The following CFAP46 variants were observed in gnomAD, a reference collection of about 807,000 sequenced individuals.
CFAP46 encodes the protein cilia- and flagella-associated protein 46.
Under a neutral mutation model 325.7 loss-of-function variants are expected in CFAP46, and 245 were observed. The ratio of observed to expected loss-of-function variants is 0.75; its 90% CI spans 0.68 to 0.84. The LOEUF is 0.84. Ranked by LOEUF, CFAP46 falls within the 40% of genes least tolerant of loss-of-function variation. The pLI is 0.00. For missense variants in CFAP46, 3,346 were observed against 3,543.0 expected (o/e 0.94, Z 1.41); for synonymous variants, 1,523 against 1,495.9 (o/e 1.02, Z -0.42).
rs745540744 is a variant in CFAP46, at chr10:132,922,651, G to C, written c.1314C>G (p.Asp438Glu). ...CCGTGGCGGGCTCCAGCCGGTCCTC[G>C]TCCTCCTCGATCTGCGCCATCTCCA... ...VHMEMAQIEE[D>E]EDRLEPATEH... The change falls in exon 12 of 58, where the codon GAC (aspartate) becomes GAG (glutamate). Residue 438 changes from aspartate to glutamate, a missense_variant. Physicochemically the swap from Asp to Glu is conservative, Grantham distance 45 (BLOSUM62 2). Coordinates refer to ENST00000368586, the MANE Select transcript of CFAP46 (RefSeq NM_001200049.3). The C allele has an allele frequency of 1.3e-6, 2 of 1,549,860 alleles. No homozygotes were observed. Among genetic ancestry groups the C allele is most frequent in the Non-Finnish European group, 1.7e-6 (2 of 1,146,830 alleles).
At chr10:132,844,266 C>T (rs1169878012) in intron 44 of CFAP46, among the ~76,000 whole-genome samples, 1 of 152,108 alleles carries the variant, frequency 6.6e-6, no homozygotes, top group Admixed American at 6.5e-5. Context: ...CTCTCCTGTC[C>T]TGGCTGCAGG....
chr10:132,836,082 ACT>A, intron 46 of CFAP46, 58 bp downstream of exon 46: 1 of 1,030,566 alleles, frequency 9.7e-7, no homozygotes, highest in Non-Finnish European at 1.3e-6. Flanking sequence ...TCACCTCCCC[ACT>A]CTCGCCCATG....
intron 44 of CFAP46, among the ~76,000 whole-genome samples, chr10:132,844,780 A>G (rs1205760789): frequency 6.6e-6 from 1 of 152,150 alleles, no homozygotes; most frequent in Non-Finnish European, 1.5e-5. Context: ...CAGCTCACCC[A>G]CAGCAGGTGC....
At chr10:132,905,896 C>T (rs1849449879) in intron 22 of CFAP46, among the ~76,000 whole-genome samples, 1 of 152,188 alleles carries the variant, frequency 6.6e-6, no homozygotes, top group Admixed American at 6.5e-5. Context: ...CACCCCCAGC[C>T]CCACCTGCAA....
chr10:132,924,634 CCT>C (rs973984860), intron 11 of CFAP46, 60 bp downstream of exon 11: 2 of 1,376,100 alleles, frequency 1.5e-6, no homozygotes, highest in African/African-American at 3.0e-5. Context: ...ACCTTCTCCT[CCT>C]CTGTCTCCTC....
rs939506432 is a variant in CFAP46, at chr10:132,877,293, C to G, written c.4213-332G>C. Among the ~76,000 whole-genome samples the G allele has an allele frequency of 1.3e-5, 2 of 152,080 alleles. No individual in the cohort carries two copies. Among genetic ancestry groups the G allele is most frequent in the Admixed American group, 6.5e-5 (1 of 15,280 alleles). ...AGCTCAGCAGTGCTCGTGCTGGGGT[C>G]CGGGTGTGAGCGTCCCATGAACTCA... is the stretch of plus-strand genomic sequence containing the variant. On this transcript the variant is annotated intron_variant, in intron 30 of 57. Coordinates refer to ENST00000368586, the MANE Select transcript of CFAP46 (RefSeq NM_001200049.3). This position sits in a 1 kb window ranked among gnomAD's most constrained non-coding sequence, Gnocchi z 5.7.
intron 55 of CFAP46, among the ~76,000 whole-genome samples, chr10:132,811,542 C>T: frequency 6.6e-6 from 1 of 152,320 alleles, no homozygotes; most frequent in Admixed American, 6.5e-5. Flanking sequence ...GAGCTGGTCA[C>T]CCTGGCCTGG....
intron 50 of CFAP46, among the ~76,000 whole-genome samples, chr10:132,826,018 G>C (rs934790059): frequency 1.3e-4 from 19 of 147,540 alleles, no homozygotes; most frequent in African/African-American, 3.9e-4. Flanking sequence ...ACGGAGCCAG[G>C]CAGGAGCCGG....
At chr10:132,873,460 T>C (rs539733605) in intron 31 of CFAP46, among the ~76,000 whole-genome samples, 261 of 147,674 alleles carry the variant, frequency 1.8e-3, no homozygotes, top group South Asian at 0.011. Context: ...CATCCAGGGA[T>C]ACGAGCCTGG....
At chr10:132,888,192 G>A (rs1163587280) in intron 25 of CFAP46, among the ~76,000 whole-genome samples, 1 of 151,738 alleles carries the variant, frequency 6.6e-6, no homozygotes, top group East Asian at 1.9e-4. Flanking sequence ...ACCATAGTGG[G>A]CACCAATGCG....
intron 25 of CFAP46, among the ~76,000 whole-genome samples, chr10:132,887,339 TCTC>T (rs1419206056): frequency 1.4e-5 from 1 of 71,360 alleles, no homozygotes; most frequent in Non-Finnish European, 2.6e-5. Flanking sequence ...CGCTTCTCTC[TCTC>T]CTCTCCTCTC....
intron 50 of CFAP46, among the ~76,000 whole-genome samples, chr10:132,818,474 C>T (rs1430133554): frequency 6.6e-6 from 1 of 152,090 alleles, no homozygotes; most frequent in East Asian, 1.9e-4. Context: ...AAAGCTTTCA[C>T]CTAAGATCAG....
At chr10:132,852,446 G>A (rs1591054118) in intron 39 of CFAP46, among the ~76,000 whole-genome samples, 3 of 148,250 alleles carry the variant, frequency 2.0e-5, no homozygotes, top group Non-Finnish European at 4.5e-5. Context: ...CTCAGATCCT[G>A]ATCCACAGAC....
intron 4 of CFAP46, among the ~76,000 whole-genome samples, chr10:132,940,546 G>A (rs1850081433): frequency 6.6e-6 from 1 of 152,150 alleles, no homozygotes; most frequent in Non-Finnish European, 1.5e-5. Context: ...GGCGCCCTGG[G>A]GGTGCGCCCG....
At chr10:132,862,939 G>T (rs1564782932) in intron 35 of CFAP46, among the ~76,000 whole-genome samples, 1 of 152,078 alleles carries the variant, frequency 6.6e-6, no homozygotes, top group Non-Finnish European at 1.5e-5. Flanking sequence ...AGTTGAGGAC[G>T]GGAGGTAGGA....
In CFAP46 at chr10:132,918,469, G is replaced by A. The variant is rs1422398742; in HGVS notation, c.1910C>T (p.Pro637Leu). ...CACCTGCCTCTGCAGGACGACCTCA[G>A]GCTGGCTCCAGGTGTCCTGCACCGA... The part of the protein sequence containing the change: ...DGSVQDTWSQ[P>L]EVVLQRQVCP... Residue 637 changes from proline to leucine, a missense_variant, in exon 16 of 58, where the codon CCT becomes CTT. Pro to Leu is a moderately conservative substitution (Grantham distance 98, BLOSUM62 -3). Transcript: ENST00000368586. 2.6e-6 allele frequency: 4 copies of A among 1,548,478 alleles called. No individual in the cohort carries two copies. Among genetic ancestry groups the A allele is most frequent in the Non-Finnish European group, 3.5e-6 (4 of 1,145,358 alleles).
At chr10:132,887,460 C>CTCTCT (rs1849164540) in intron 25 of CFAP46, among the ~76,000 whole-genome samples, 2 of 121,602 alleles carry the variant, frequency 1.6e-5, no homozygotes, top group African/African-American at 6.8e-5. Flanking sequence ...CTCTCCTCTC[C>CTCTCT]CCTCTTCTCT....
At chr10:132,809,949 G>A (rs944240986) in intron 57 of CFAP46, among the ~76,000 whole-genome samples, 1 of 152,212 alleles carries the variant, frequency 6.6e-6, no homozygotes, top group Non-Finnish European at 1.5e-5. Context: ...CTCTTCCTGG[G>A]CTGGGACTCC....
In CFAP46 at chr10:132,841,249, G is replaced by A. The variant is rs141099488; in HGVS notation, c.6439-4335C>T. ...AAGTTCTCTACTTCCGACATACAGCGGTGGGACCGGCTGAGACATTCCCAC... is the reference window on the plus strand; with the variant it reads ...AAGTTCTCTACTTCCGACATACAGCAGTGGGACCGGCTGAGACATTCCCAC... On this transcript the variant is annotated intron_variant, in intron 44 of 57. Transcript: ENST00000368586. 3.4e-3 allele frequency among the ~76,000 whole-genome samples: 521 copies of A among 152,328 alleles called. 2 individuals are homozygous for A. The highest frequency in any genetic ancestry group is 0.011 in the African/African-American group (465 of 41,582).
Sources: gnomAD v4.1 joint callset for allele counts (sites outside exome capture counted in the v4.1 genomes callset) on GRCh38, gnomAD v4.1.1 for gene constraint, Gnocchi (gnomAD v3.1) non-coding constraint, MANE v1.5 for transcripts, NCBI Gene and HGNC (gene_info 2026-07-23, HGNC 2026-07-21) for gene names.